Variants in SULT6B1 observed in about 807,000 individuals in gnomAD.
The protein encoded by SULT6B1 is sulfotransferase family 6B member 1, also known as sulfotransferase 6B1.
SULT6B1 carries 44 observed loss-of-function variants against 37.2 expected under a neutral mutation model. The observed-to-expected ratio is 1.18, with a 90% CI of 0.93 to 1.52. The LOEUF (loss-of-function observed/expected upper bound fraction) is 1.52. Among genes scored for constraint, SULT6B1 ranks in the 40% most tolerant of loss-of-function variants. The pLI is 0.00. For synonymous variants in SULT6B1, 140 were observed against 126.0 expected, an observed-to-expected ratio of 1.11 and a Z score of -0.74; for missense variants, 450 against 361.0, an observed-to-expected ratio of 1.25 and a Z score of -2.00.
chr2:37,174,735 T>TA (rs1408096391), intron 5 of SULT6B1, among the ~76,000 whole-genome samples: 1 of 152,248 alleles, frequency 6.6e-6, no homozygotes, highest in Non-Finnish European at 1.5e-5. Flanking sequence ...CACCAGGGCC[T>TA]AATTGGTGAG....
rs749306178 is a variant in SULT6B1 at position 37,179,588 on chromosome 2, G to C, written c.403-4C>G. 12 of 1,607,288 alleles carry C rather than the reference G, an allele frequency of 7.5e-6. No individual in the cohort carries two copies. The East Asian group carries it at 2.2e-4, about 30-fold the overall frequency. On this transcript the variant is annotated splice_polypyrimidine_tract_variant and splice_region_variant and intron_variant, in intron 3 of 6. Transcript: ENST00000535679. ...GGTTTCGAAATATCACCAATATCTA[G>C]GGAGCAAAAATTGAGTTAATTTATT...
At chr2:37,168,743 A>C (rs1289552714) in intron 6 of SULT6B1, among the ~76,000 whole-genome samples, 1 of 152,198 alleles carries the variant, frequency 6.6e-6, no homozygotes, top group Non-Finnish European at 1.5e-5. Flanking sequence ...AGATACTGAT[A>C]ATTTTGCAAA....
intron 4 of SULT6B1, among the ~76,000 whole-genome samples, chr2:37,175,485 A>T (rs1676406112): frequency 6.6e-6 from 1 of 152,212 alleles, no homozygotes; most frequent in African/African-American, 2.4e-5. Flanking sequence ...TATAAAAACT[A>T]TAAGACATTC....
At chr2:37,175,331 C>T (rs1310020030) in intron 4 of SULT6B1, 105 bp from the exon 5 acceptor site, 6 of 474,458 alleles carry the variant, frequency 1.3e-5, no homozygotes, top group East Asian at 7.1e-5. Flanking sequence ...TGTATATGCT[C>T]GAGATATCTT....
At chr2:37,193,652 G>GAAGAAGAAGAAGAAGA (rs1420064697), upstream of SULT6B1, among the ~76,000 whole-genome samples, 1 of 46,752 alleles carries the variant, frequency 2.1e-5, no homozygotes. Context: ...GAAGAAGAAG[G>GAAGAAGAAGAAGAAGA]AGAAGAAGGA....
intron 3 of SULT6B1, among the ~76,000 whole-genome samples, chr2:37,182,336 G>A (rs148939454): frequency 2.7e-5 from 4 of 150,612 alleles, no homozygotes; most frequent in Admixed American, 6.6e-5. Context: ...TCACTGCAAC[G>A]TCCGCCTCTC....
At chr2:37,182,477 C>T (rs935664672) in intron 3 of SULT6B1, among the ~76,000 whole-genome samples, 1 of 151,958 alleles carries the variant, frequency 6.6e-6, no homozygotes, top group African/African-American at 2.4e-5. Context: ...ATTCAAAAAA[C>T]GCAATTACTT....
intron 4 of SULT6B1, among the ~76,000 whole-genome samples, chr2:37,177,029 A>G (rs1676446132): frequency 6.6e-6 from 1 of 152,188 alleles, no homozygotes; most frequent in South Asian, 2.1e-4. Context: ...TGCAGGCCAG[A>G]GATCCCAGGA....
At chr2:37,169,166 C>T (rs1310386073) in intron 6 of SULT6B1, among the ~76,000 whole-genome samples, 1 of 152,152 alleles carries the variant, frequency 6.6e-6, no homozygotes, top group Non-Finnish European at 1.5e-5. Flanking sequence ...TTGTCCTATT[C>T]TAAATAACAC....
upstream of SULT6B1, among the ~76,000 whole-genome samples, chr2:37,193,636 G>GAAGAAGAAGAAT (rs1558454941): frequency 2.0e-5 from 3 of 150,910 alleles, no homozygotes; most frequent in Middle Eastern, 3.4e-3. Flanking sequence ...AGAAGAAGAA[G>GAAGAAGAAGAAT]AAGAAGAAGA....
chr2:37,195,613 A>C (rs1268278592), intron 1 of SULT6B1, among the ~76,000 whole-genome samples: 1 of 152,166 alleles, frequency 6.6e-6, no homozygotes, highest in Non-Finnish European at 1.5e-5. Flanking sequence ...TTTGTGGTAA[A>C]TACCCCTAAC....
intron 4 of SULT6B1, among the ~76,000 whole-genome samples, chr2:37,176,872 T>G (rs114314810): frequency 6.6e-6 from 1 of 152,172 alleles, no homozygotes; most frequent in Admixed American, 6.5e-5. Flanking sequence ...GGCAAAACTA[T>G]TGCTGTGTGG....
intron 2 of SULT6B1, among the ~76,000 whole-genome samples, chr2:37,187,065 T>C (rs1676689678): frequency 6.6e-6 from 1 of 152,196 alleles, no homozygotes; most frequent in African/African-American, 2.4e-5. Context: ...TACAGTATAG[T>C]TGTTAAAAGC....
At chr2:37,185,408 T>G (rs1277989411) in intron 2 of SULT6B1, among the ~76,000 whole-genome samples, 1 of 152,116 alleles carries the variant, frequency 6.6e-6, no homozygotes, top group Non-Finnish European at 1.5e-5. Flanking sequence ...ATTTCACTGA[T>G]TTCCATTTAA....
intron 5 of SULT6B1, 73 bp from the exon 6 acceptor site, chr2:37,171,663 G>T: frequency 6.9e-7 from 1 of 1,456,414 alleles, no homozygotes. Flanking sequence ...AGACTTTTTA[G>T]TCATCAGAGT....
In SULT6B1 at chr2:37,175,173, C is replaced by T. The variant is rs1375927470; in HGVS notation, c.583G>A (p.Gly195Ser). The T allele has an allele frequency of 1.3e-6, 2 of 1,581,704 alleles. No individual in the cohort carries two copies. The highest frequency in any genetic ancestry group is 1.7e-6 in the Non-Finnish European group (2 of 1,162,578). Reference sequence around the variant, plus strand: ...TATAATATGAACTTAACATTGTCGCCATCAAGATGTTTGTTCCAATTGATT... The same window carrying T: ...TATAATATGAACTTAACATTGTCGCTATCAAGATGTTTGTTCCAATTGATT... ...FAINWNKHLD[G>S]DNVKFILYED... Residue 195 changes from glycine (G) to serine (S), a missense_variant, in exon 5 of 7, where the codon GGC becomes AGC. Physicochemically the swap from Gly to Ser is moderately conservative, Grantham distance 56. Coordinates refer to ENST00000535679, the MANE Select transcript of SULT6B1 (RefSeq NM_001367551.1).
rs565768620 is a variant in SULT6B1 at position 37,183,378 on chromosome 2, C to CT, written c.402+46dup. The CT allele has an allele frequency of 5.6e-5, 81 of 1,455,664 alleles. No homozygotes were observed. In the East Asian group the frequency reaches 1.8e-3, roughly 32 times the overall value. The allele number at this position is 1,455,664 out of a possible 1,614,324, so 90.2% of individuals were successfully genotyped here. ...ATGATCTACTTCCAAAAACTAATAT[C>CT]TATACATAGAAATTTCAAAGAATTA... On this transcript the variant is annotated intron_variant, in intron 3 of 6. Transcript: ENST00000535679.
upstream of SULT6B1, among the ~76,000 whole-genome samples, chr2:37,190,272 A>G (rs1303045072): frequency 6.6e-6 from 1 of 152,230 alleles, no homozygotes; most frequent in Non-Finnish European, 1.5e-5. Context: ...TCTTCCCCAC[A>G]TCTTTCTTCT....
At chr2:37,187,304 G>T (rs1415671714) in intron 2 of SULT6B1, 51 bp downstream of exon 2, 7 of 1,237,508 alleles carry the variant, frequency 5.7e-6, no homozygotes, top group African/African-American at 1.5e-5. Context: ...CAAACCGGAA[G>T]AAATCTTTCT....
Sources: allele counts gnomAD v4.1 joint callset (sites outside exome capture counted in the v4.1 genomes callset), GRCh38; gene constraint gnomAD v4.1.1; transcripts MANE v1.5; gene names NCBI Gene and HGNC (gene_info 2026-07-23, HGNC 2026-07-21).